The following PDE4B variants were observed in gnomAD, a reference collection of about 807,000 sequenced individuals.
The protein encoded by PDE4B is phosphodiesterase 4B.
Under a neutral mutation model 82.2 loss-of-function variants are expected in PDE4B, and 20 were observed. The ratio of observed to expected loss-of-function variants is 0.24; its 90% CI spans 0.17 to 0.35. The LOEUF (loss-of-function observed/expected upper bound fraction) is 0.35. PDE4B is among the 10% of genes least tolerant of loss of function. PDE4B has a pLI of 1.00. For missense variants in PDE4B, 655 were observed against 907.2 expected, an observed-to-expected ratio of 0.72 and a Z score of 3.57; for synonymous variants, 320 against 318.9, an observed-to-expected ratio of 1.00 and a Z score of -0.04.
At chr1:66,272,983 G>C (rs922462150) in intron 7 of PDE4B, among the ~76,000 whole-genome samples, 5 of 151,362 alleles carry the variant, frequency 3.3e-5, no homozygotes, top group Admixed American at 2.6e-4. Context: ...GTAGAGACAG[G>C]GTTTCACCAT....
At chr1:66,226,602 G>T (rs1416482048) in intron 3 of PDE4B, among the ~76,000 whole-genome samples, 1 of 152,190 alleles carries the variant, frequency 6.6e-6, no homozygotes, top group African/African-American at 2.4e-5. Context: ...AGAGCCTGTG[G>T]CAAGGAAAGT....
chr1:66,031,666 T>G lies in PDE4B; in HGVS notation c.281+112831T>G, dbSNP rs576645479. 9.8e-5 allele frequency among the ~76,000 whole-genome samples: 15 copies of G among 152,352 alleles called. No individual in the cohort carries two copies. In the East Asian group the frequency reaches 1.7e-3, roughly 18 times the overall value. On this transcript the variant is annotated intron_variant, in intron 3 of 16. Transcript: ENST00000341517. ...AGAATTGTGTTTTTTCCATACTCTTTAGTTCTTGATGAACCCCATATGGTT... is the reference window on the plus strand; with the variant it reads ...AGAATTGTGTTTTTTCCATACTCTTGAGTTCTTGATGAACCCCATATGGTT...
chr1:66,186,515 C>A (rs557622956), intron 3 of PDE4B, among the ~76,000 whole-genome samples: 15 of 152,210 alleles, frequency 9.9e-5, no homozygotes, highest in African/African-American at 3.1e-4. Flanking sequence ...TTTCATTGAG[C>A]AGTGGTTTGT....
At chr1:66,258,502 T>C (rs182868093) in intron 6 of PDE4B, among the ~76,000 whole-genome samples, 54 of 152,334 alleles carry the variant, frequency 3.5e-4, no homozygotes, top group Admixed American at 5.9e-4. Context: ...TTCTATTCGG[T>C]TCACTCTTCT....
At chr1:65,932,742 G>A (rs1470209652) in intron 3 of PDE4B, among the ~76,000 whole-genome samples, 1 of 151,962 alleles carries the variant, frequency 6.6e-6, no homozygotes, top group Non-Finnish European at 1.5e-5. Flanking sequence ...CAGAGATATA[G>A]AAAGTATAAA....
At chr1:66,109,425 G>A (rs1645436818) in intron 3 of PDE4B, among the ~76,000 whole-genome samples, 1 of 151,674 alleles carries the variant, frequency 6.6e-6, no homozygotes, top group African/African-American at 2.4e-5. Flanking sequence ...AGTAAGGTTT[G>A]CCCAATTGAT....
At chr1:65,814,769 C>T (rs1332616454) in intron 1 of PDE4B, among the ~76,000 whole-genome samples, 1 of 151,988 alleles carries the variant, frequency 6.6e-6, no homozygotes, top group African/African-American at 2.4e-5. Flanking sequence ...TGGGATATAG[C>T]AAAATGTCTT....
chr1:66,275,245 TAC>T, intron 7 of PDE4B, among the ~76,000 whole-genome samples: 1 of 152,348 alleles, frequency 6.6e-6, no homozygotes, highest in Non-Finnish European at 1.5e-5. Context: ...TTACAGCTTG[TAC>T]AGCACATCAA....
At chr1:65,963,366 A>G (rs984854530) in intron 3 of PDE4B, among the ~76,000 whole-genome samples, 4 of 152,162 alleles carry the variant, frequency 2.6e-5, no homozygotes, top group African/African-American at 4.8e-5. Context: ...CCTCCCCAGC[A>G]TGCCCAGCAC....
intron 7 of PDE4B, among the ~76,000 whole-genome samples, chr1:66,327,370 GAC>G (rs1321025450): frequency 6.6e-6 from 1 of 152,186 alleles, no homozygotes; most frequent in Non-Finnish European, 1.5e-5. Flanking sequence ...TGTTTACACA[GAC>G]ACACAAACAC....
intron 3 of PDE4B, among the ~76,000 whole-genome samples, chr1:66,207,125 T>G (rs1017222575): frequency 2.6e-5 from 4 of 152,202 alleles, no homozygotes; most frequent in African/African-American, 9.6e-5. Flanking sequence ...AATTCTTGAA[T>G]CAGGCTGAGG....
intron 9 of PDE4B, 46 bp downstream of exon 9, chr1:66,355,666 A>C (rs1662178858): frequency 8.7e-7 from 1 of 1,151,204 alleles, no homozygotes; most frequent in Admixed American, 1.8e-5. Flanking sequence ...TGGGGTTTTC[A>C]GAATTAATTT....
intron 1 of PDE4B, among the ~76,000 whole-genome samples, chr1:65,865,763 C>T (rs936754690): frequency 1.3e-5 from 2 of 152,164 alleles, no homozygotes; most frequent in Non-Finnish European, 2.9e-5. Context: ...GTTGGAAATG[C>T]AGAAATCACG....
chr1:65,854,576 A>G (rs10889588), intron 1 of PDE4B, among the ~76,000 whole-genome samples: 16,964 of 151,822 alleles, frequency 0.11, 1,074 homozygotes, highest in Non-Finnish European at 0.14. Context: ...ACTGCTGCAC[A>G]CATATTGGTG....
At chr1:66,089,337 G>A (rs1467723424) in intron 3 of PDE4B, among the ~76,000 whole-genome samples, 1 of 152,072 alleles carries the variant, frequency 6.6e-6, no homozygotes, top group Non-Finnish European at 1.5e-5. Flanking sequence ...TTTTGATTTT[G>A]TAATACCTTA....
rs34263724 is a variant in PDE4B, at chr1:65,887,414, G to GTTTTTTTTTTT, written c.-70-25817_-70-25807dup. Among the ~76,000 whole-genome samples the GTTTTTTTTTTT allele has an allele frequency of 5.2e-4, 4 of 7,734 alleles. 1 individual carries two copies. Among genetic ancestry groups the GTTTTTTTTTTT allele is most frequent in the South Asian group, 0.01 (2 of 200 alleles). The allele number at this position is 7,734 out of a possible 152,430, so 5.1% of individuals were successfully genotyped here. On this transcript the variant is annotated intron_variant, in intron 1 of 16. Transcript: ENST00000341517. ...TTTTCTTTCTTTTTCTTTTTCTTCT[G>GTTTTTTTTTTT]TTTTTTTTTTTTTTTTTTTTTTTTA... is the stretch of plus-strand genomic sequence containing the variant.
intron 3 of PDE4B, among the ~76,000 whole-genome samples, chr1:65,942,061 TG>T (rs1648476484): frequency 6.6e-6 from 1 of 152,120 alleles, no homozygotes; most frequent in Non-Finnish European, 1.5e-5. Flanking sequence ...GGCTTCTTAT[TG>T]CTGTTAAGAT....
At chr1:66,209,147 A>G (rs1268557471) in intron 3 of PDE4B, among the ~76,000 whole-genome samples, 1 of 152,206 alleles carries the variant, frequency 6.6e-6, no homozygotes, top group South Asian at 2.1e-4. Context: ...GTGCAGTGAC[A>G]ATTTCTTACC....
At chr1:65,968,079 C>G (rs1311229894) in intron 3 of PDE4B, among the ~76,000 whole-genome samples, 6 of 151,986 alleles carry the variant, frequency 3.9e-5, no homozygotes, top group Non-Finnish European at 1.5e-5. Flanking sequence ...CTGGAGGTCT[C>G]TAATCTGTGT....
Sources: gnomAD v4.1 joint callset for allele counts (sites outside exome capture counted in the v4.1 genomes callset) on GRCh38, gnomAD v4.1.1 for gene constraint, MANE v1.5 for transcripts, NCBI Gene and HGNC (gene_info 2026-07-23, HGNC 2026-07-21) for gene names.